Variants in ANO4 observed in about 807,000 individuals in gnomAD.
The protein encoded by ANO4 is anoctamin-4.
Under a neutral mutation model 141.9 loss-of-function variants are expected in ANO4, and 69 were observed. That is an observed-to-expected ratio of 0.49 (90% CI 0.40 to 0.59). The LOEUF (loss-of-function observed/expected upper bound fraction) is 0.59, where lower values mean the gene tolerates loss of function less well. Ranked by LOEUF, ANO4 falls within the 20% of genes least tolerant of loss-of-function variation. The probability of loss-of-function intolerance (pLI) is 0.00; values close to 1 mark genes in which losing one functional copy is unlikely to be tolerated. For synonymous variants in ANO4, 350 were observed against 394.3 expected, an observed-to-expected ratio of 0.89 and a Z score of 1.33; for missense variants, 894 against 1,162.2, an observed-to-expected ratio of 0.77 and a Z score of 3.36.
chr12:101,055,423 G>A (rs1403875659), intron 14 of ANO4, among the ~76,000 whole-genome samples: 1 of 152,180 alleles, frequency 6.6e-6, no homozygotes, highest in Non-Finnish European at 1.5e-5. Context: ...TTTCCCTAAT[G>A]AGTAGCGATG....
At chr12:101,106,714 T>A (rs2050460930) in intron 22 of ANO4, among the ~76,000 whole-genome samples, 1 of 151,520 alleles carries the variant, frequency 6.6e-6, no homozygotes, top group Admixed American at 6.6e-5. Context: ...GTATTTATTT[T>A]ATTTATAAAA....
chr12:100,926,367 C>A (rs1357165238), intron 3 of ANO4, among the ~76,000 whole-genome samples: 1 of 152,014 alleles, frequency 6.6e-6, no homozygotes, highest in African/African-American at 2.4e-5. Flanking sequence ...ATTAGATGTA[C>A]AGCTTATAAA....
intron 8 of ANO4, among the ~76,000 whole-genome samples, chr12:101,002,128 A>G (rs1289280831): frequency 6.6e-6 from 1 of 152,128 alleles, no homozygotes; most frequent in Non-Finnish European, 1.5e-5. Context: ...TTAGATGAAC[A>G]ATTACGACAG....
At chr12:100,838,750 C>T (rs2037080484) in intron 1 of ANO4, among the ~76,000 whole-genome samples, 1 of 151,950 alleles carries the variant, frequency 6.6e-6, no homozygotes, top group African/African-American at 2.4e-5. Context: ...GGTGGGAATG[C>T]TTGAACTAGG....
chr12:100,782,007 G>C (rs541985767), intron 3 of ANO4, among the ~76,000 whole-genome samples: 1 of 152,310 alleles, frequency 6.6e-6, no homozygotes, highest in Admixed American at 6.5e-5. Flanking sequence ...CTGTTCATCA[G>C]CTTTTCATCA....
At chr12:100,906,100 AT>A (rs1403103669) in intron 2 of ANO4, among the ~76,000 whole-genome samples, 4 of 152,354 alleles carry the variant, frequency 2.6e-5, no homozygotes, top group African/African-American at 9.6e-5. Context: ...AGGACTAGTT[AT>A]CATCATTGTG....
At chr12:100,947,304 TAAGAA>T (rs139488499) in intron 5 of ANO4, among the ~76,000 whole-genome samples, 5,872 of 150,652 alleles carry the variant, frequency 0.039, 158 homozygotes, top group Non-Finnish European at 0.056. Flanking sequence ...CTTGAAGCAA[TAAGAA>T]AAGAATGACC....
intron 9 of ANO4, among the ~76,000 whole-genome samples, chr12:101,033,531 A>G (rs1368383270): frequency 6.6e-6 from 1 of 152,170 alleles, no homozygotes; most frequent in African/African-American, 2.4e-5. Flanking sequence ...CCCAAACCAT[A>G]AAAACCCTAG....
At chr12:100,967,696 T>A (rs2043740641) in intron 5 of ANO4, among the ~76,000 whole-genome samples, 1 of 152,044 alleles carries the variant, frequency 6.6e-6, no homozygotes, top group Non-Finnish European at 1.5e-5. Context: ...TAGCCCCAAA[T>A]AAAATCACAG....
At chr12:100,824,955 A>G (rs2036252310) in intron 1 of ANO4, among the ~76,000 whole-genome samples, 1 of 152,046 alleles carries the variant, frequency 6.6e-6, no homozygotes, top group Non-Finnish European at 1.5e-5. Context: ...AGAAGGGCAA[A>G]AGTATTTCAT....
chr12:100,801,660 A>C (rs1213858104), intron 1 of ANO4, among the ~76,000 whole-genome samples: 6 of 144,450 alleles, frequency 4.2e-5, no homozygotes, highest in Non-Finnish European at 7.6e-5. Flanking sequence ...TAGAAAGGGC[A>C]TTCTAGACAG....
chr12:100,737,960 G>C (rs954530793), intron 2 of ANO4, among the ~76,000 whole-genome samples: 1 of 152,050 alleles, frequency 6.6e-6, no homozygotes, highest in Non-Finnish European at 1.5e-5. Context: ...AAGCAGGGGG[G>C]TCAAAAAATC....
In ANO4 at chr12:101,039,952, C is replaced by T. The variant is rs541444587; in HGVS notation, c.898-3C>T. 6 of 1,608,436 alleles carry T rather than the reference C, an allele frequency of 3.7e-6. No individual in the cohort carries two copies. The African/African-American group carries it at 8.0e-5, about 21-fold the overall frequency. The stretch of plus-strand genomic sequence containing the variant: ...CTCACTGGCAGTGGTGTTTTTATCC[C>T]AGGGAAGTTATAGAAGTAAAAACTC... On this transcript the variant is annotated splice_region_variant and splice_polypyrimidine_tract_variant and intron_variant, in intron 10 of 27. Coordinates refer to ENST00000392977, the MANE Select transcript of ANO4 (RefSeq NM_001286615.2).
chr12:100,995,463 T>A (rs7978069), intron 8 of ANO4, among the ~76,000 whole-genome samples: 30,528 of 152,164 alleles, frequency 0.2, 3,312 homozygotes, highest in Non-Finnish European at 0.24. Flanking sequence ...TGACGTGGTC[T>A]GACTTAACTT....
intron 3 of ANO4, among the ~76,000 whole-genome samples, chr12:100,933,340 G>T (rs772082562): frequency 1.6e-4 from 24 of 152,010 alleles, no homozygotes; most frequent in Non-Finnish European, 2.9e-4. Context: ...TCATTGTTCA[G>T]TTCCCACCTA....
chr12:100,827,188 A>G (rs1364483115), intron 1 of ANO4, among the ~76,000 whole-genome samples: 1 of 151,468 alleles, frequency 6.6e-6, no homozygotes, highest in Non-Finnish European at 1.5e-5. Context: ...GGCCTTCTTG[A>G]CTCTTCCTCA....
At chr12:100,831,957 A>G (rs1565916337) in intron 1 of ANO4, among the ~76,000 whole-genome samples, 1 of 152,140 alleles carries the variant, frequency 6.6e-6, no homozygotes, top group Non-Finnish European at 1.5e-5. Flanking sequence ...ATTGAGAAGT[A>G]TAAATGTAGC....
chr12:101,061,279 G>T (rs983843007), intron 14 of ANO4, among the ~76,000 whole-genome samples: 2 of 151,910 alleles, frequency 1.3e-5, no homozygotes, highest in Non-Finnish European at 2.9e-5. Context: ...CCCTTTGTGG[G>T]TAACCCAACC....
At chr12:100,739,656 T>C (rs1191381312) in intron 2 of ANO4, among the ~76,000 whole-genome samples, 2 of 152,292 alleles carry the variant, frequency 1.3e-5, no homozygotes, top group South Asian at 4.1e-4. Flanking sequence ...GCACTTAGCA[T>C]GCGCTTAATA....
Sources: gnomAD v4.1 joint callset for allele counts (sites outside exome capture counted in the v4.1 genomes callset) on GRCh38, gnomAD v4.1.1 for gene constraint, MANE v1.5 for transcripts, NCBI Gene and HGNC (gene_info 2026-07-23, HGNC 2026-07-21) for gene names.